The following MPDZ variants were observed in gnomAD, a reference collection of about 807,000 sequenced individuals.
The protein encoded by MPDZ is multiple PDZ domain protein.
Under a neutral mutation model 239.1 loss-of-function variants are expected in MPDZ, and 234 were observed. The observed-to-expected ratio is 0.98, with a 90% CI of 0.88 to 1.09. MPDZ has a LOEUF of 1.09. MPDZ is among the 50% of genes least tolerant of loss of function. The pLI, the probability that MPDZ is intolerant of heterozygous loss-of-function variation, is 0.00. For synonymous variants in MPDZ, 1,048 were observed against 881.3 expected, an observed-to-expected ratio of 1.19 and a Z score of -3.35; for missense variants, 3,175 against 2,510.0, an observed-to-expected ratio of 1.26 and a Z score of -5.66.
intron 32 of MPDZ, among the ~76,000 whole-genome samples, chr9:13,127,374 G>A (rs1945276534): frequency 6.6e-6 from 1 of 152,212 alleles, no homozygotes; most frequent in Non-Finnish European, 1.5e-5. Flanking sequence ...AGGCTGGGGA[G>A]CTACACCTAC....
chr9:13,247,389 T>A (rs559187825), intron 3 of MPDZ, among the ~76,000 whole-genome samples: 1 of 152,292 alleles, frequency 6.6e-6, no homozygotes, highest in Admixed American at 6.5e-5. Context: ...CTGTAGAAAC[T>A]CATTCTTCAG....
At chr9:13,154,056 A>G (rs1331444461) in intron 24 of MPDZ, among the ~76,000 whole-genome samples, 1 of 152,156 alleles carries the variant, frequency 6.6e-6, no homozygotes, top group African/African-American at 2.4e-5. Flanking sequence ...TTTACAAAGA[A>G]GAGAAGAGAC....
At position 13,247,913 on chromosome 9, in the gene MPDZ, T is replaced by C. The variant is rs371445967; in HGVS notation, c.17-112A>G. ...AACTATTTCTATTGAGTGCATAAAA[T>C]TGTCTCTTTTAAATTGAATAAAAAA... On this transcript the variant is annotated intron_variant, in intron 2 of 46. Coordinates refer to ENST00000319217, the MANE Select transcript of MPDZ (RefSeq NM_001378778.1). 27 of 1,043,226 alleles carry C rather than the reference T, an allele frequency of 2.6e-5. No homozygotes were observed. In the South Asian group the frequency reaches 4.4e-4, roughly 17 times the overall value. The allele number at this position is 1,043,226 out of a possible 1,614,324, so 64.6% of individuals were successfully genotyped here.
intron 10 of MPDZ, 114 bp downstream of exon 10, chr9:13,216,659 CA>C: frequency 3.0e-6 from 2 of 673,712 alleles, no homozygotes; most frequent in South Asian, 2.6e-5. Context: ...CTCAAGTCAC[CA>C]AAAAAGCTTA....
intron 1 of MPDZ, among the ~76,000 whole-genome samples, chr9:13,277,379 T>A (rs922397478): frequency 2.0e-5 from 3 of 152,144 alleles, no homozygotes; most frequent in African/African-American, 2.4e-5. Flanking sequence ...ATGTTGAGAA[T>A]AATCTTCATT....
chr9:13,122,781 T>C (rs1007106151), intron 36 of MPDZ, among the ~76,000 whole-genome samples: 3 of 152,074 alleles, frequency 2.0e-5, no homozygotes, highest in Non-Finnish European at 4.4e-5. Context: ...CCTCCTAAAG[T>C]GCTGGGATTA....
intron 1 of MPDZ, among the ~76,000 whole-genome samples, chr9:13,275,126 C>T (rs1282378034): frequency 2.0e-5 from 3 of 152,226 alleles, no homozygotes; most frequent in African/African-American, 7.2e-5. Flanking sequence ...TACGAGCTCA[C>T]TGCCTCAGAG....
intron 2 of MPDZ, among the ~76,000 whole-genome samples, chr9:13,248,976 C>CAAAAAAAAAAAAAAAAAAAAAAAAA (rs71331534): frequency 2.5e-4 from 9 of 35,820 alleles, no homozygotes; most frequent in Admixed American, 6.5e-4. Context: ...GACTCCATCT[C>CAAAAAAAAAAAAAAAAAAAAAAAAA]AAAAAAAAAA....
intron 2 of MPDZ, among the ~76,000 whole-genome samples, chr9:13,249,167 G>A (rs1967216347): frequency 6.7e-6 from 1 of 149,828 alleles, no homozygotes; most frequent in Non-Finnish European, 1.5e-5. Flanking sequence ...TTACTCATAT[G>A]CAGAATTTTA....
chr9:13,242,718 C>T (rs537628092), intron 3 of MPDZ, among the ~76,000 whole-genome samples: 1 of 152,074 alleles, frequency 6.6e-6, no homozygotes, highest in South Asian at 2.1e-4. Flanking sequence ...CTGCCAATAC[C>T]CCTCATATAA....
At chr9:13,115,409 T>C in intron 39 of MPDZ, 75 bp from the exon 40 acceptor site, 1 of 1,264,230 alleles carries the variant, frequency 7.9e-7, no homozygotes, top group Non-Finnish European at 1.1e-6. Context: ...GAATACATTT[T>C]ACTCTTCAAG....
At chr9:13,114,043 T>G (rs1942957018) in intron 40 of MPDZ, 22 bp from the exon 41 acceptor site, 1 of 1,554,372 alleles carries the variant, frequency 6.4e-7, no homozygotes, top group African/African-American at 1.4e-5. Context: ...CAACAATTAT[T>G]TCAGAAGGTT....
rs759425608 is a variant in MPDZ at position 13,106,921 on chromosome 9, G to C, written c.*44C>G. Reference sequence around the variant, plus strand: ...GGACCAGTGCATTCTCTTTACAGTAGGAGGTGAGCTAGGGGTTGGGTTGGT... The same window carrying C: ...GGACCAGTGCATTCTCTTTACAGTACGAGGTGAGCTAGGGGTTGGGTTGGT... On this transcript the variant is annotated 3_prime_UTR_variant, in exon 47 of 47. Transcript: ENST00000319217. 2 of 1,604,942 alleles carry C rather than the reference G, an allele frequency of 1.2e-6. No homozygotes were observed. The highest frequency in any genetic ancestry group is 1.3e-5 in the African/African-American group (1 of 74,826).
At chr9:13,209,277 C>T (rs1484241133) in intron 10 of MPDZ, among the ~76,000 whole-genome samples, 4 of 152,180 alleles carry the variant, frequency 2.6e-5, no homozygotes, top group Non-Finnish European at 4.4e-5. Flanking sequence ...CTTAACCACA[C>T]ATGTGTGCAT....
At position 13,196,126 on chromosome 9, in the gene MPDZ, T is replaced by G. The variant is rs1474563746; in HGVS notation, c.1651A>C (p.Ile551Leu). ...CAGAAGGTCAGCTAACCTACCACTA[T>G]TTCATAGTTAATTCCCATAATCCTT... ...WQRIMGINYE[I>L]VVAHVSKFSE... The change falls in exon 13 of 47, where the codon ATA (isoleucine) becomes CTA (leucine). Residue 551 changes from isoleucine (I) to leucine (L), a missense_variant. Ile to Leu is a conservative substitution (Grantham distance 5, BLOSUM62 2). Coordinates refer to ENST00000319217, the MANE Select transcript of MPDZ (RefSeq NM_001378778.1). The G allele has an allele frequency of 6.3e-7, 1 of 1,591,894 alleles. No individual in the cohort carries two copies. The highest frequency in any genetic ancestry group is 8.6e-7 in the Non-Finnish European group (1 of 1,166,730).
At chr9:13,226,807 G>C (rs1274668832) in intron 3 of MPDZ, among the ~76,000 whole-genome samples, 1 of 152,030 alleles carries the variant, frequency 6.6e-6, no homozygotes, top group East Asian at 1.9e-4. Context: ...TCGTTCTCTA[G>C]AAGAATGCCT....
chr9:13,223,753 C>A, intron 4 of MPDZ, 43 bp from the exon 5 acceptor site: 1 of 1,533,494 alleles, frequency 6.5e-7, no homozygotes, highest in Non-Finnish European at 8.8e-7. Context: ...AAAGCCAGGC[C>A]ATGCATGGTG....
intron 22 of MPDZ, among the ~76,000 whole-genome samples, chr9:13,167,314 C>G (rs891879102): frequency 6.6e-6 from 1 of 152,002 alleles, no homozygotes; most frequent in African/African-American, 2.4e-5. Flanking sequence ...CAACTGTAAA[C>G]AAAAGTCAAA....
chr9:13,177,222 TC>T (rs1014007217), intron 19 of MPDZ, among the ~76,000 whole-genome samples: 58 of 152,156 alleles, frequency 3.8e-4, no homozygotes, highest in Admixed American at 1.2e-3. Context: ...AATAAACATA[TC>T]AGTTTTCCCT....
Sources: allele counts gnomAD v4.1 joint callset (sites outside exome capture counted in the v4.1 genomes callset), GRCh38; gene constraint gnomAD v4.1.1; transcripts MANE v1.5; gene names NCBI Gene and HGNC (gene_info 2026-07-23, HGNC 2026-07-21).